Variants in ZNF148 observed in about 807,000 individuals in gnomAD.
ZNF148 encodes zinc finger protein 148.
In ZNF148, 7 loss-of-function variants were observed where a neutral mutation model predicts 67.7. That is an observed-to-expected ratio of 0.10 (90% CI 0.06 to 0.19). ZNF148 has a LOEUF of 0.19. ZNF148 is among the 10% of genes least tolerant of loss of function. ZNF148 has a pLI of 1.00. For missense variants in ZNF148, 583 were observed against 947.1 expected (o/e 0.62, Z 5.05); for synonymous variants, 333 against 330.7 (o/e 1.01, Z -0.08).
chr3:125,371,981 G>A (rs1421446333), intron 1 of ZNF148, among the ~76,000 whole-genome samples: 7 of 149,870 alleles, frequency 4.7e-5, no homozygotes, highest in East Asian at 2.0e-4. Context: ...GGAGAATGGC[G>A]TGAACCTGGG....
chr3:125,322,301 C>G (rs1388583008), intron 3 of ZNF148, among the ~76,000 whole-genome samples: 2 of 151,928 alleles, frequency 1.3e-5, no homozygotes, highest in African/African-American at 4.8e-5. Flanking sequence ...GCTGGGATTA[C>G]AGGCCTGAGG....
At chr3:125,309,856 A>G (rs1425847284) in intron 4 of ZNF148, among the ~76,000 whole-genome samples, 1 of 152,208 alleles carries the variant, frequency 6.6e-6, no homozygotes, top group Non-Finnish European at 1.5e-5. Flanking sequence ...CAGAATGCAC[A>G]TTCTTTTCAA....
At chr3:125,328,100 T>C (rs964670543) in intron 2 of ZNF148, among the ~76,000 whole-genome samples, 13 of 152,050 alleles carry the variant, frequency 8.5e-5, no homozygotes, top group African/African-American at 3.1e-4. Flanking sequence ...TGTATATTTC[T>C]TTTTCTTCCT....
intron 4 of ZNF148, among the ~76,000 whole-genome samples, chr3:125,304,683 A>G (rs528271276): frequency 2.0e-5 from 3 of 152,354 alleles, no homozygotes; most frequent in Non-Finnish European, 4.4e-5. Flanking sequence ...TGGAAATTAT[A>G]GAAAGGAATA....
In ZNF148 at chr3:125,251,821, A is replaced by G. The variant is rs150632723; in HGVS notation, c.668-17492T>C. On this transcript the variant is annotated intron_variant, in intron 7 of 8. Transcript: ENST00000360647. ...CAATTATATAGGGTATATAGCTAGG[A>G]GTGGAAATGGCAGATCATAGGGTTT... Among the ~76,000 whole-genome samples, 12 of 152,296 alleles carry G rather than the reference A, an allele frequency of 7.9e-5. No individual in the cohort carries two copies. The East Asian group carries it at 2.3e-3, about 29-fold the overall frequency.
chr3:125,313,255 C>G (rs929706272), intron 4 of ZNF148, 53 bp downstream of exon 4: 2 of 1,469,784 alleles, frequency 1.4e-6, no homozygotes, highest in African/African-American at 2.8e-5. Context: ...TGCAGTATTA[C>G]GTAACAAAAA....
chr3:125,286,608 C>G (rs898054833), intron 5 of ZNF148, among the ~76,000 whole-genome samples: 1 of 152,124 alleles, frequency 6.6e-6, no homozygotes, highest in Non-Finnish European at 1.5e-5. Context: ...CTACAACTTT[C>G]AAACAACATA....
At chr3:125,368,967 A>AAAAGT (rs1475128656) in intron 1 of ZNF148, among the ~76,000 whole-genome samples, 1 of 91,320 alleles carries the variant, frequency 1.1e-5, no homozygotes, top group Admixed American at 9.9e-5. Context: ...AACAAACAAA[A>AAAAGT]GTGTGCCTCT....
At chr3:125,366,977 G>A (rs1271794897) in intron 1 of ZNF148, among the ~76,000 whole-genome samples, 1 of 152,082 alleles carries the variant, frequency 6.6e-6, no homozygotes, top group Non-Finnish European at 1.5e-5. Flanking sequence ...TGGTATATTT[G>A]TGACTCACAG....
At chr3:125,304,137 C>T (rs1939744793) in intron 4 of ZNF148, among the ~76,000 whole-genome samples, 1 of 152,094 alleles carries the variant, frequency 6.6e-6, no homozygotes, top group Admixed American at 6.5e-5. Context: ...TAAGCTGGGG[C>T]CAAACAAGGT....
chr3:125,338,004 T>A (rs1480992752), intron 1 of ZNF148, among the ~76,000 whole-genome samples: 2 of 151,910 alleles, frequency 1.3e-5, no homozygotes, highest in Non-Finnish European at 2.9e-5. Context: ...CTAGGAAGGC[T>A]GAGGTGGGAG....
rs746997897 is a variant in ZNF148, at chr3:125,279,177, T to C, written c.530A>G (p.Asn177Ser). ...GTGATAGTTCGTTCTAAAGGCAGCA[T>C]TGCAGTGCTCACAAACGTGAGATTT... ...TPKSHVCEHC[N>S]AAFRTNYHLQ... Residue 177 changes from asparagine (N) to serine (S), a missense_variant, in exon 6 of 9, where the codon AAT becomes AGT. This residue lies in a region of ZNF148 where 25 missense variants were observed against 142.0 expected (regional missense o/e 0.18). Transcript: ENST00000360647. 21 of 1,609,000 alleles carry C rather than the reference T, an allele frequency of 1.3e-5. No homozygotes were observed. The highest frequency in any genetic ancestry group is 6.7e-5 in the East Asian group (3 of 44,776).
At chr3:125,312,010 A>C (rs748396701) in intron 4 of ZNF148, among the ~76,000 whole-genome samples, 9 of 152,218 alleles carry the variant, frequency 5.9e-5, no homozygotes, top group Non-Finnish European at 1.0e-4. Flanking sequence ...TCTACCAAAC[A>C]TTTAAGGAAG....
At chr3:125,310,249 T>G (rs1183555218) in intron 4 of ZNF148, among the ~76,000 whole-genome samples, 1 of 151,990 alleles carries the variant, frequency 6.6e-6, no homozygotes, top group South Asian at 2.1e-4. Flanking sequence ...CCGGCTAATT[T>G]TTGTATTTTT....
intron 1 of ZNF148, among the ~76,000 whole-genome samples, chr3:125,363,713 G>A (rs1456488966): frequency 1.3e-5 from 2 of 151,002 alleles, no homozygotes; most frequent in East Asian, 3.9e-4. Flanking sequence ...CTGGAGTGTA[G>A]ATTTCAGCTC....
chr3:125,358,830 G>C lies in ZNF148; in HGVS notation c.-234+16272C>G, dbSNP rs181194339. ...GTGTGCATTTCATTCTAATCTCTTGGATATTGGCTCTTCTCAATTTTACAG... is the reference window on the plus strand; with the variant it reads ...GTGTGCATTTCATTCTAATCTCTTGCATATTGGCTCTTCTCAATTTTACAG... On this transcript the variant is annotated intron_variant, in intron 1 of 8. Transcript: ENST00000360647. 2.2e-3 allele frequency among the ~76,000 whole-genome samples: 337 copies of C among 152,198 alleles called. 1 individual carries two copies. Among genetic ancestry groups the C allele is most frequent in the Non-Finnish European group, 3.3e-3 (227 of 68,002 alleles).
intron 1 of ZNF148, among the ~76,000 whole-genome samples, chr3:125,374,261 G>A (rs534707950): frequency 1.4e-4 from 22 of 152,210 alleles, no homozygotes; most frequent in Non-Finnish European, 2.6e-4. Flanking sequence ...ACACAGGTTC[G>A]GAACTAGGCC....
At chr3:125,350,308 G>A (rs953710080) in intron 1 of ZNF148, among the ~76,000 whole-genome samples, 2 of 151,790 alleles carry the variant, frequency 1.3e-5, no homozygotes, top group Non-Finnish European at 2.9e-5. Flanking sequence ...CTACAGGCAT[G>A]TGTCACCAGG....
chr3:125,372,737 C>T (rs995091772), intron 1 of ZNF148, among the ~76,000 whole-genome samples: 1 of 152,058 alleles, frequency 6.6e-6, no homozygotes, highest in Non-Finnish European at 1.5e-5. Context: ...GAGGCCAAGG[C>T]GGGTGGATCA....
Sources: gnomAD v4.1 joint callset for allele counts (sites outside exome capture counted in the v4.1 genomes callset) on GRCh38, gnomAD v4.1.1 for gene constraint, gnomAD v4.1.1 regional missense constraint, MANE v1.5 for transcripts, NCBI Gene and HGNC (gene_info 2026-07-23, HGNC 2026-07-21) for gene names.